CHST10: variants seen among roughly 807,000 people sequenced by gnomAD.
The protein encoded by CHST10 is carbohydrate sulfotransferase 10.
In CHST10, 24 loss-of-function variants were observed where a neutral mutation model predicts 34.7. The ratio of observed to expected loss-of-function variants is 0.69; its 90% CI spans 0.50 to 0.97. CHST10 has a LOEUF of 0.97. Ranked by LOEUF, CHST10 falls within the 50% of genes least tolerant of loss-of-function variation. The pLI, the probability that CHST10 is intolerant of heterozygous loss-of-function variation, is 0.00. For missense variants in CHST10, 402 were observed against 452.1 expected (o/e 0.89, Z 1.00); for synonymous variants, 161 against 169.3 (o/e 0.95, Z 0.38).
intron 1 of CHST10, chr2:100,417,122 G>A: frequency 2.5e-6 from 3 of 1,188,426 alleles, no homozygotes; most frequent in African/African-American, 1.6e-5. Context: ...GTAAATTGTA[G>A]GCTCGCACAA....
chr2:100,400,170 T>C (rs1249133460), intron 4 of CHST10, among the ~76,000 whole-genome samples: 1 of 152,250 alleles, frequency 6.6e-6, no homozygotes, highest in Non-Finnish European at 1.5e-5. Flanking sequence ...TCTGCACTTT[T>C]AGATACTGCT....
intron 1 of CHST10, chr2:100,416,925 C>T (rs1041464595): frequency 7.8e-7 from 1 of 1,288,544 alleles, no homozygotes; most frequent in African/African-American, 1.5e-5. Context: ...AGATCAGAGG[C>T]TCAGGGCACC....
chr2:100,414,892 CTAT>C (rs986905169), intron 2 of CHST10, 146 bp downstream of exon 2: 9 of 401,146 alleles, frequency 2.2e-5, no homozygotes, highest in African/African-American at 1.9e-4. Flanking sequence ...GAGCATGCTC[CTAT>C]TATTATATTT....
chr2:100,415,742 T>A (rs1328387745), intron 1 of CHST10: 1 of 152,428 alleles, frequency 6.6e-6, no homozygotes, highest in Non-Finnish European at 1.5e-5. Flanking sequence ...AAGCTTTATA[T>A]ACAGTCATTC....
chr2:100,400,303 A>C (rs1024621819), intron 4 of CHST10, among the ~76,000 whole-genome samples: 1 of 152,130 alleles, frequency 6.6e-6, no homozygotes, highest in African/African-American at 2.4e-5. Context: ...GCAGTGGCAC[A>C]ATCATGACTC....
At position 100,393,404 on chromosome 2, in the gene CHST10, T is replaced by C. The variant is rs373261971; in HGVS notation, c.912A>G (p.Ser304=). 1.2e-6 allele frequency: 2 copies of C among 1,614,176 alleles called. No individual in the cohort carries two copies. The highest frequency in any genetic ancestry group is 1.7e-6 in the Non-Finnish European group (2 of 1,180,024). ...LKEAGIDHLV[S]YPTIPPGITV... ...TAATGCCCGGAGGGATAGTCGGGTA[T>C]GACACCAGGTGGTCAATGCCAGCCT... is the stretch of plus-strand genomic sequence containing the variant. The change falls in exon 7 of 7, where the codon TCA becomes TCG. Residue 304 remains serine, a synonymous_variant. Coordinates refer to ENST00000264249, the MANE Select transcript of CHST10 (RefSeq NM_004854.5).
chr2:100,406,816 C>T, intron 2 of CHST10, 109 bp from the exon 3 acceptor site: 3 of 1,364,932 alleles, frequency 2.2e-6, no homozygotes, highest in Non-Finnish European at 3.0e-6. Flanking sequence ...ACAAATATTT[C>T]CGTTTTTTTC....
chr2:100,416,688 A>AAACAACAAC (rs140248946), intron 1 of CHST10: 3,646 of 324,694 alleles, frequency 0.011, 124 homozygotes, highest in African/African-American at 0.068. Context: ...TTTTCAGACA[A>AAACAACAAC]AACAACAACA....
chr2:100,405,222 G>A (rs562250655), intron 3 of CHST10, among the ~76,000 whole-genome samples: 16 of 152,284 alleles, frequency 1.1e-4, no homozygotes, highest in African/African-American at 2.2e-4. Flanking sequence ...CCCGAGTCCC[G>A]GGCGTGAGCT....
At chr2:100,404,396 C>T (rs772681026) in intron 3 of CHST10, among the ~76,000 whole-genome samples, 9 of 152,196 alleles carry the variant, frequency 5.9e-5, no homozygotes, top group Non-Finnish European at 1.3e-4. Flanking sequence ...TGAAGGCAGC[C>T]GGCTGGAAAG....
At chr2:100,414,687 T>C (rs1045053181) in intron 2 of CHST10, among the ~76,000 whole-genome samples, 2 of 152,172 alleles carry the variant, frequency 1.3e-5, no homozygotes, top group African/African-American at 4.8e-5. Context: ...TCCTTACAAT[T>C]TACCGCCTTG....
intron 1 of CHST10, among the ~76,000 whole-genome samples, chr2:100,415,503 G>C (rs1252766308): frequency 6.6e-6 from 1 of 152,008 alleles, no homozygotes. Context: ...TTAGCACCTG[G>C]AAAATTTTAG....
chr2:100,397,768 A>T, intron 5 of CHST10, 140 bp downstream of exon 5: 1 of 658,928 alleles, frequency 1.5e-6, no homozygotes. Flanking sequence ...GAAACAACAA[A>T]AACAGGCCTG....
intron 3 of CHST10, among the ~76,000 whole-genome samples, chr2:100,405,261 C>T (rs1675519161): frequency 6.6e-6 from 1 of 152,212 alleles, no homozygotes; most frequent in Non-Finnish European, 1.5e-5. Flanking sequence ...TGCCCAGATA[C>T]CTGCAGGTGT....
rs542100688 is a variant in CHST10, at chr2:100,394,900, T to C, written c.533+609A>G. 1.8e-4 allele frequency among the ~76,000 whole-genome samples: 28 copies of C among 152,164 alleles called. No homozygotes were observed. The South Asian group carries it at 5.6e-3, about 30-fold the overall frequency. On this transcript the variant is annotated intron_variant, in intron 6 of 6. Transcript: ENST00000264249. ...CACCACAGCGGGCTATTTTTTTTTTTTTAGTAGAAACGGGGTTTCTGTCAG... is the reference window on the plus strand; with the variant it reads ...CACCACAGCGGGCTATTTTTTTTTTCTTAGTAGAAACGGGGTTTCTGTCAG...
intron 4 of CHST10, among the ~76,000 whole-genome samples, chr2:100,401,150 T>C (rs1394811618): frequency 6.6e-6 from 1 of 152,168 alleles, no homozygotes; most frequent in East Asian, 1.9e-4. Flanking sequence ...CTCATGAGAA[T>C]GACTGGGGCA....
At chr2:100,398,628 CAGG>C (rs1675187575) in intron 4 of CHST10, among the ~76,000 whole-genome samples, 1 of 152,120 alleles carries the variant, frequency 6.6e-6, no homozygotes, top group African/African-American at 2.4e-5. Flanking sequence ...CACCTGAACC[CAGG>C]AGGTGGAGGT....
intron 2 of CHST10, among the ~76,000 whole-genome samples, chr2:100,410,200 T>C (rs762031597): frequency 1.3e-5 from 2 of 152,238 alleles, no homozygotes; most frequent in Admixed American, 6.5e-5. Context: ...GGGAGCTCTC[T>C]GAGGAGCTGC....
intron 6 of CHST10, 76 bp from the exon 7 acceptor site, chr2:100,393,858 T>G (rs1233088218): frequency 2.6e-5 from 32 of 1,218,194 alleles, no homozygotes; most frequent in Non-Finnish European, 3.6e-5. Context: ...GAGGGAAGAA[T>G]GAGCGGAGTG....
Sources: gnomAD v4.1 joint callset for allele counts (sites outside exome capture counted in the v4.1 genomes callset) on GRCh38, gnomAD v4.1.1 for gene constraint, MANE v1.5 for transcripts, NCBI Gene and HGNC (gene_info 2026-07-23, HGNC 2026-07-21) for gene names.